Variants in ROBO2 observed in about 807,000 individuals in gnomAD.
ROBO2 encodes roundabout homolog 2.
In ROBO2, 53 loss-of-function variants were observed where a neutral mutation model predicts 160.8. That is an observed-to-expected ratio of 0.33 (90% CI 0.26 to 0.41). The LOEUF is 0.41. Ranked by LOEUF, ROBO2 falls within the 10% of genes least tolerant of loss-of-function variation. The pLI is 1.00. For missense variants in ROBO2, 1,577 were observed against 1,722.4 expected (o/e 0.92, Z 1.49); for synonymous variants, 664 against 611.7 (o/e 1.09, Z -1.26).
At position 76,796,521 on chromosome 3, in the gene ROBO2, AAGG is replaced by A. The variant is rs1173343171; in HGVS notation, c.110-301491_110-301489del. Among the ~76,000 whole-genome samples the A allele has an allele frequency of 1.1e-4, 17 of 151,040 alleles. No homozygotes were observed. In the East Asian group the frequency reaches 3.1e-3, roughly 28 times the overall value. On this transcript the variant is annotated intron_variant, in intron 2 of 26. Coordinates refer to the ROBO2 transcript ENST00000487694. ...GAAGGAAAGAAGGAAAGAAGGAAGG[AAGG>A]AAGGAAGGAAGGAAGGGAGGAGCCA...
intron 2 of ROBO2, among the ~76,000 whole-genome samples, chr3:76,600,730 G>T (rs9822815): frequency 7.9e-5 from 12 of 151,990 alleles, no homozygotes; most frequent in East Asian, 5.8e-4. Flanking sequence ...ATTTGGGTGG[G>T]GACACAGACA....
At chr3:76,313,343 G>A (rs930544039) in intron 2 of ROBO2, among the ~76,000 whole-genome samples, 1 of 152,094 alleles carries the variant, frequency 6.6e-6, no homozygotes, top group Non-Finnish European at 1.5e-5. Context: ...TATTGATGGT[G>A]GTGTGTTATC....
In ROBO2 at chr3:76,836,754, T is replaced by C. The variant is rs187616006; in HGVS notation, c.110-261260T>C. Among the ~76,000 whole-genome samples, 286 of 151,988 alleles carry C rather than the reference T, an allele frequency of 1.9e-3. 1 individual carries two copies. Among genetic ancestry groups the C allele is most frequent in the African/African-American group, 6.3e-3 (263 of 41,562 alleles). ...GCCATTATAGTCAGAAAAAATATTT[T>C]GTAAGTCCTCAATTATTTTAAATTT... On this transcript the variant is annotated intron_variant, in intron 2 of 26. Transcript: ENST00000487694.
intron 2 of ROBO2, among the ~76,000 whole-genome samples, chr3:76,090,553 AAAT>A (rs1235127201): frequency 2.0e-5 from 3 of 152,228 alleles, no homozygotes; most frequent in Admixed American, 6.5e-5. Context: ...ACACCATCCC[AAAT>A]AATCTTAGCA....
At chr3:77,403,239 A>G (rs2075968258) in intron 2 of ROBO2, among the ~76,000 whole-genome samples, 1 of 152,206 alleles carries the variant, frequency 6.6e-6, no homozygotes. Flanking sequence ...AACACTTAAA[A>G]TCTACTTTCA....
chr3:76,089,431 C>T (rs959081181), intron 2 of ROBO2, among the ~76,000 whole-genome samples: 27 of 151,924 alleles, frequency 1.8e-4, no homozygotes, highest in Admixed American at 1.4e-3. Flanking sequence ...CAGTAATACT[C>T]AACAAAATAT....
intron 2 of ROBO2, among the ~76,000 whole-genome samples, chr3:76,356,333 T>C (rs1474208874): frequency 6.6e-6 from 1 of 151,230 alleles, no homozygotes; most frequent in African/African-American, 2.4e-5. Context: ...TAAATACAAT[T>C]ATATCAATAA....
chr3:77,091,203 T>C (rs2070201094), intron 1 of ROBO2, among the ~76,000 whole-genome samples: 1 of 152,186 alleles, frequency 6.6e-6, no homozygotes, highest in Admixed American at 6.5e-5. Flanking sequence ...ACATTTACTC[T>C]GTAACACATG....
intron 2 of ROBO2, among the ~76,000 whole-genome samples, chr3:77,306,986 T>G (rs988539420): frequency 6.6e-6 from 1 of 152,230 alleles, no homozygotes; most frequent in African/African-American, 2.4e-5. Flanking sequence ...TTAAAAAATT[T>G]AATAATGCAT....
At chr3:76,724,491 C>T (rs1450954409) in intron 2 of ROBO2, among the ~76,000 whole-genome samples, 2 of 152,342 alleles carry the variant, frequency 1.3e-5, no homozygotes, top group East Asian at 1.9e-4. Flanking sequence ...TGCTTACCAG[C>T]TAGTCAGCTC....
At chr3:77,211,098 A>G (rs2084087356) in intron 2 of ROBO2, among the ~76,000 whole-genome samples, 1 of 152,188 alleles carries the variant, frequency 6.6e-6, no homozygotes, top group African/African-American at 2.4e-5. Context: ...CTTTGGGTAT[A>G]TACCCAGTAA....
chr3:76,927,308 C>A (rs1024720216), intron 2 of ROBO2, among the ~76,000 whole-genome samples: 3 of 152,100 alleles, frequency 2.0e-5, no homozygotes, highest in African/African-American at 7.2e-5. Flanking sequence ...ACTAAGAAAT[C>A]CTTGGCCCAA....
chr3:77,072,219 A>G (rs1254744402), intron 1 of ROBO2, among the ~76,000 whole-genome samples: 5 of 152,106 alleles, frequency 3.3e-5, no homozygotes, highest in African/African-American at 1.2e-4. Context: ...ATCCCCCCAG[A>G]TGGGACTGTC....
chr3:76,750,020 C>T (rs917528217), intron 2 of ROBO2, among the ~76,000 whole-genome samples: 6 of 152,052 alleles, frequency 3.9e-5, no homozygotes, highest in Non-Finnish European at 8.8e-5. Flanking sequence ...ACCAATATCC[C>T]TGATGAACAT....
At chr3:76,751,061 G>A (rs1471759537) in intron 2 of ROBO2, among the ~76,000 whole-genome samples, 1 of 152,096 alleles carries the variant, frequency 6.6e-6, no homozygotes, top group Non-Finnish European at 1.5e-5. Context: ...CAAGGCTACA[G>A]TAACCAAAAC....
At chr3:75,971,012 A>G (rs1305264236) in intron 2 of ROBO2, among the ~76,000 whole-genome samples, 4 of 151,496 alleles carry the variant, frequency 2.6e-5, no homozygotes, top group Non-Finnish European at 5.9e-5. Flanking sequence ...AATAAATTCA[A>G]AACTTTTAAT....
chr3:76,639,877 A>T (rs2090560667), intron 2 of ROBO2, among the ~76,000 whole-genome samples: 1 of 152,194 alleles, frequency 6.6e-6, no homozygotes, highest in Non-Finnish European at 1.5e-5. Context: ...ACCACCTAAC[A>T]CATATATAGT....
intron 2 of ROBO2, among the ~76,000 whole-genome samples, chr3:76,070,451 A>T (rs12714848): frequency 0.56 from 84,335 of 151,906 alleles, 23,842 homozygotes; most frequent in Middle Eastern, 0.74. Context: ...AATTTTGGTC[A>T]TACCGGTTGA....
intron 2 of ROBO2, among the ~76,000 whole-genome samples, chr3:76,406,017 T>C (rs1241380207): frequency 1.3e-5 from 2 of 151,710 alleles, no homozygotes; most frequent in African/African-American, 4.8e-5. Flanking sequence ...ACTAAATAGA[T>C]GTCTATATAT....
Sources: gnomAD v4.1 joint callset for allele counts (sites outside exome capture counted in the v4.1 genomes callset) on GRCh38, gnomAD v4.1.1 for gene constraint, MANE v1.5 for transcripts, NCBI Gene and HGNC (gene_info 2026-07-23, HGNC 2026-07-21) for gene names.